The following MGMT variants were observed in gnomAD, a reference collection of about 807,000 sequenced individuals.
MGMT encodes the protein methylated-DNA--protein-cysteine methyltransferase.
MGMT carries 14 observed loss-of-function variants against 15.9 expected under a neutral mutation model. The ratio of observed to expected loss-of-function variants is 0.88; its 90% CI spans 0.58 to 1.37. The LOEUF (loss-of-function observed/expected upper bound fraction) is 1.37, where lower values mean the gene tolerates loss of function less well. MGMT is among the 40% of genes most tolerant of loss of function. The pLI, the probability that MGMT is intolerant of heterozygous loss-of-function variation, is 0.00. For synonymous variants in MGMT, 130 were observed against 118.2 expected, an observed-to-expected ratio of 1.10 and a Z score of -0.65; for missense variants, 282 against 268.1, an observed-to-expected ratio of 1.05 and a Z score of -0.36.
At chr10:129,754,637 G>A (rs868670487) in intron 3 of MGMT, among the ~76,000 whole-genome samples, 117 of 152,328 alleles carry the variant, frequency 7.7e-4, no homozygotes, top group African/African-American at 2.7e-3. Context: ...GAATTTATTG[G>A]GCTCACAGCT....
intron 2 of MGMT, among the ~76,000 whole-genome samples, chr10:129,598,820 G>A (rs772356111): frequency 1.3e-5 from 2 of 152,152 alleles, no homozygotes; most frequent in Non-Finnish European, 2.9e-5. Context: ...CACTCCATGC[G>A]GATGGCGTCA....
At chr10:129,693,299 A>G (rs550075212) in intron 2 of MGMT, among the ~76,000 whole-genome samples, 92 of 152,346 alleles carry the variant, frequency 6.0e-4, no homozygotes, top group Middle Eastern at 3.4e-3. Flanking sequence ...ATAAAGGTCA[A>G]TGCCACTTCT....
chr10:129,727,241 T>C (rs1405441245), intron 3 of MGMT, among the ~76,000 whole-genome samples: 1 of 152,090 alleles, frequency 6.6e-6, no homozygotes, highest in Non-Finnish European at 1.5e-5. Flanking sequence ...CGAGGCTAGG[T>C]CATAAGAGGC....
chr10:129,568,254 T>C (rs554233947), intron 2 of MGMT, among the ~76,000 whole-genome samples: 1 of 152,342 alleles, frequency 6.6e-6, no homozygotes, highest in Non-Finnish European at 1.5e-5. Flanking sequence ...AATGATGTTA[T>C]TCCCAAGATG....
intron 3 of MGMT, among the ~76,000 whole-genome samples, chr10:129,710,217 G>A (rs905590880): frequency 6.6e-6 from 1 of 152,196 alleles, no homozygotes; most frequent in African/African-American, 2.4e-5. Flanking sequence ...TACTGGTAAA[G>A]GCTGTCTGGC....
intron 2 of MGMT, among the ~76,000 whole-genome samples, chr10:129,615,169 A>G (rs140898107): frequency 5.9e-5 from 9 of 152,296 alleles, no homozygotes; most frequent in Non-Finnish European, 1.3e-4. Flanking sequence ...TGTGATTTTA[A>G]GTGAAAGTCA....
chr10:129,536,104 G>A (rs2119758941), intron 1 of MGMT, 137 bp from the exon 2 acceptor site: 2 of 950,230 alleles, frequency 2.1e-6, no homozygotes, highest in Middle Eastern at 2.9e-4. Context: ...TGAAAATGAT[G>A]CATCGTATAA....
At chr10:129,651,631 A>C (rs1458427833) in intron 2 of MGMT, among the ~76,000 whole-genome samples, 1 of 152,194 alleles carries the variant, frequency 6.6e-6, no homozygotes, top group East Asian at 1.9e-4. Context: ...ATTATAACTC[A>C]TGAGGGGAAA....
At chr10:129,733,521 C>T (rs1337131037) in intron 3 of MGMT, among the ~76,000 whole-genome samples, 1 of 149,834 alleles carries the variant, frequency 6.7e-6, no homozygotes, top group Non-Finnish European at 1.5e-5. Context: ...CCTGTTCACT[C>T]TGATGGTAGT....
chr10:129,695,551 G>A (rs536173700), intron 2 of MGMT, among the ~76,000 whole-genome samples: 69 of 152,254 alleles, frequency 4.5e-4, no homozygotes, highest in African/African-American at 1.5e-3. Flanking sequence ...TTTAAATTAC[G>A]ATATATTCTC....
chr10:129,512,331 A>C (rs1277537629), intron 1 of MGMT, among the ~76,000 whole-genome samples: 1 of 152,150 alleles, frequency 6.6e-6, no homozygotes, highest in Non-Finnish European at 1.5e-5. Flanking sequence ...AGTGAGAACA[A>C]GTGTTTGCTA....
chr10:129,725,202 C>T (rs896366299), intron 3 of MGMT, among the ~76,000 whole-genome samples: 10 of 152,250 alleles, frequency 6.6e-5, no homozygotes, highest in African/African-American at 2.2e-4. Context: ...CGTCCCTGTC[C>T]AGCCAGCTTC....
chr10:129,759,001 A>G (rs1455994582), intron 3 of MGMT, among the ~76,000 whole-genome samples: 1 of 152,256 alleles, frequency 6.6e-6, no homozygotes, highest in African/African-American at 2.4e-5. Context: ...CCAAGGGGCC[A>G]GCCTGCATGG....
intron 3 of MGMT, among the ~76,000 whole-genome samples, chr10:129,732,444 G>C (rs1848510460): frequency 6.6e-6 from 1 of 151,468 alleles, no homozygotes; most frequent in Non-Finnish European, 1.5e-5. Flanking sequence ...TTAGAATGAT[G>C]GTTTCCAACT....
At chr10:129,765,014 G>A (rs1282705795) in intron 4 of MGMT, among the ~76,000 whole-genome samples, 1 of 152,026 alleles carries the variant, frequency 6.6e-6, no homozygotes, top group African/African-American at 2.4e-5. Context: ...CTTCCAGAGC[G>A]AGCTTGGTGC....
intron 2 of MGMT, among the ~76,000 whole-genome samples, chr10:129,657,503 A>G (rs1316442197): frequency 6.6e-6 from 1 of 151,852 alleles, no homozygotes; most frequent in Non-Finnish European, 1.5e-5. Context: ...GAGACAGAAG[A>G]AACAGGTAAA....
chr10:129,483,493 A>G (rs1258637208), intron 1 of MGMT, among the ~76,000 whole-genome samples: 1 of 152,068 alleles, frequency 6.6e-6, no homozygotes, highest in African/African-American at 2.4e-5. Flanking sequence ...TTTTGAAAAA[A>G]GCCTTTGTCT....
intron 2 of MGMT, among the ~76,000 whole-genome samples, chr10:129,557,732 A>T (rs569320282): frequency 1.7e-3 from 255 of 152,348 alleles, no homozygotes; most frequent in South Asian, 5.0e-3. Context: ...ATGGGACATA[A>T]GCCTCTGTAA....
At chr10:129,752,021 A>G (rs61876576) in intron 3 of MGMT, among the ~76,000 whole-genome samples, 18,902 of 151,904 alleles carry the variant, frequency 0.12, 1,207 homozygotes, top group Middle Eastern at 0.17. Flanking sequence ...ATTAAATCCA[A>G]TCGGTTGATA....
Sources: allele counts gnomAD v4.1 joint callset (sites outside exome capture counted in the v4.1 genomes callset), GRCh38; gene constraint gnomAD v4.1.1; transcripts MANE v1.5; gene names NCBI Gene and HGNC (gene_info 2026-07-23, HGNC 2026-07-21).